The following ANKRD31 variants were observed in gnomAD, a reference collection of about 807,000 sequenced individuals.
The protein encoded by ANKRD31 is ankyrin repeat domain 31, also known as ankyrin repeat domain-containing protein 31.
Under a neutral mutation model 186.0 loss-of-function variants are expected in ANKRD31, and 147 were observed. The observed-to-expected ratio is 0.79, with a 90% CI of 0.69 to 0.91. ANKRD31 has a LOEUF of 0.91. Ranked by LOEUF, ANKRD31 falls within the 40% of genes least tolerant of loss-of-function variation. The pLI, the probability that ANKRD31 is intolerant of heterozygous loss-of-function variation, is 0.00. For missense variants in ANKRD31, 1,986 were observed against 2,148.8 expected (o/e 0.92, Z 1.50); for synonymous variants, 673 against 736.4 (o/e 0.91, Z 1.39).
chr5:75,218,776 T>C (rs1757117808), intron 3 of ANKRD31, among the ~76,000 whole-genome samples: 1 of 152,200 alleles, frequency 6.6e-6, no homozygotes, highest in Admixed American at 6.5e-5. Flanking sequence ...GCCTTATCTC[T>C]GGAATGCTTC....
At chr5:75,172,516 G>A (rs1301511938) in intron 10 of ANKRD31, among the ~76,000 whole-genome samples, 3 of 152,034 alleles carry the variant, frequency 2.0e-5, no homozygotes, top group Non-Finnish European at 4.4e-5. Context: ...AGAAAAGAGA[G>A]ATGAATCAAA....
chr5:75,155,294 T>C (rs978357967), intron 11 of ANKRD31, among the ~76,000 whole-genome samples: 2 of 152,132 alleles, frequency 1.3e-5, no homozygotes, highest in African/African-American at 2.4e-5. Flanking sequence ...ATAATATGTA[T>C]GTATACATAT....
At chr5:75,173,949 G>A (rs1259979743) in intron 10 of ANKRD31, among the ~76,000 whole-genome samples, 1 of 152,076 alleles carries the variant, frequency 6.6e-6, no homozygotes, top group Non-Finnish European at 1.5e-5. Context: ...AAACAAAGCT[G>A]GAGGCATCAT....
chr5:75,192,916 T>C lies in ANKRD31; in HGVS notation c.1299-140A>G, dbSNP rs113000772. The stretch of plus-strand genomic sequence containing the variant: ...TCTCAAGTGGCGTGGCAGTTTTAAA[T>C]ACGGAGATGGCTCCTGCAGGTAATT... On this transcript the variant is annotated intron_variant, in intron 8 of 25. Coordinates refer to ENST00000506364, the MANE Select transcript of ANKRD31 (RefSeq NM_001372053.1). The C allele has an allele frequency of 1.1e-3, 722 of 666,524 alleles. 4 individuals carry two copies. The highest frequency in any genetic ancestry group is 9.8e-3 in the African/African-American group (528 of 53,710). The allele number at this position is 666,524 out of a possible 1,614,324, so 41.3% of individuals were successfully genotyped here. A position where few individuals can be genotyped will look rare whatever the true frequency, so the allele number is the denominator to read the frequency against.
intron 22 of ANKRD31, among the ~76,000 whole-genome samples, chr5:75,099,311 T>G (rs375801578): frequency 2.0e-5 from 3 of 152,342 alleles, no homozygotes; most frequent in South Asian, 2.1e-4. Flanking sequence ...AGCTTTTTGA[T>G]GTGCTGCTGG....
At chr5:75,072,562 T>C (rs987536218) in intron 25 of ANKRD31, among the ~76,000 whole-genome samples, 1 of 152,170 alleles carries the variant, frequency 6.6e-6, no homozygotes, top group African/African-American at 2.4e-5. Context: ...AACGACTAAA[T>C]CTTTGTGTGT....
Position 75,206,435 on chromosome 5 carries a change from A to G in ANKRD31, c.379T>C (p.Ser127Pro). ...FIGSFRQSGL[S>P]LNHQNIEGPE... ...CCTTCAATATTTTGGTGGTTCAATGAAAGTCCAGACTGGCGAAACGACCCA... is the reference window on the plus strand; with the variant it reads ...CCTTCAATATTTTGGTGGTTCAATGGAAGTCCAGACTGGCGAAACGACCCA... The change falls in exon 5 of 26, where the codon TCA becomes CCA. Residue 127 changes from serine to proline, a missense_variant. By Grantham distance (74) the Ser-to-Pro change is moderately conservative (BLOSUM62 -1). Transcript: ENST00000506364. 1 of 1,485,398 alleles carries G rather than the reference A, an allele frequency of 6.7e-7. No individual in the cohort carries two copies. The highest frequency in any genetic ancestry group is 1.4e-5 in the South Asian group (1 of 73,204). The allele number at this position is 1,485,398 out of a possible 1,614,324, so 92.0% of individuals were successfully genotyped here.
At chr5:75,192,574 A>C (rs1755185125) in intron 9 of ANKRD31, 93 bp downstream of exon 9, 3 of 1,060,466 alleles carry the variant, frequency 2.8e-6, no homozygotes, top group Non-Finnish European at 4.0e-6. Flanking sequence ...CCTCATCAGC[A>C]AAATTAGAAA....
At chr5:75,189,887 T>C (rs980551411) in intron 9 of ANKRD31, among the ~76,000 whole-genome samples, 2 of 152,314 alleles carry the variant, frequency 1.3e-5, no homozygotes, top group Admixed American at 6.5e-5. Flanking sequence ...GTTAATACAA[T>C]GAATTACAGC....
intron 7 of ANKRD31, among the ~76,000 whole-genome samples, chr5:75,194,483 A>G (rs980971969): frequency 2.0e-5 from 3 of 152,126 alleles, no homozygotes; most frequent in Non-Finnish European, 1.5e-5. Flanking sequence ...GTTAAACAGA[A>G]CTTCATGCAG....
At chr5:75,104,065 T>C (rs1186643044) in intron 22 of ANKRD31, among the ~76,000 whole-genome samples, 163 bp downstream of exon 22, 2 of 152,194 alleles carry the variant, frequency 1.3e-5, no homozygotes, top group Non-Finnish European at 2.9e-5. Flanking sequence ...TCCAGAAATA[T>C]GAATTCACTT....
chr5:75,145,353 G>T (rs1244032573), intron 14 of ANKRD31, among the ~76,000 whole-genome samples: 7 of 151,988 alleles, frequency 4.6e-5, no homozygotes, highest in Admixed American at 2.6e-4. Flanking sequence ...GCCCATCAAT[G>T]ATAGACTGGA....
intron 10 of ANKRD31, among the ~76,000 whole-genome samples, chr5:75,179,352 G>A (rs1231302765): frequency 3.3e-5 from 5 of 152,120 alleles, no homozygotes; most frequent in African/African-American, 1.2e-4. Flanking sequence ...CCAATCAATA[G>A]AAAAAGAGGG....
At chr5:75,120,788 G>C (rs980990475) in intron 17 of ANKRD31, among the ~76,000 whole-genome samples, 3 of 152,254 alleles carry the variant, frequency 2.0e-5, no homozygotes, top group Admixed American at 2.0e-4. Context: ...GAATGTAAGT[G>C]AATTAAATGC....
chr5:75,229,331 C>A (rs1420036456), intron 2 of ANKRD31, among the ~76,000 whole-genome samples: 1 of 152,050 alleles, frequency 6.6e-6, no homozygotes, highest in Non-Finnish European at 1.5e-5. Flanking sequence ...TTTACTTTTA[C>A]AAATAGACGG....
chr5:75,168,183 A>G (rs1283849743), intron 11 of ANKRD31, among the ~76,000 whole-genome samples: 1 of 152,200 alleles, frequency 6.6e-6, no homozygotes, highest in Non-Finnish European at 1.5e-5. Flanking sequence ...GTCTATTCCC[A>G]TGGCTCCCAG....
At chr5:75,125,548 G>A (rs1006259468) in intron 17 of ANKRD31, among the ~76,000 whole-genome samples, 5 of 152,130 alleles carry the variant, frequency 3.3e-5, no homozygotes, top group South Asian at 4.1e-4. Context: ...TTTCAGAAAA[G>A]TAAACTTCTA....
intron 15 of ANKRD31, among the ~76,000 whole-genome samples, chr5:75,139,783 G>A (rs77457181): frequency 0.015 from 2,224 of 152,264 alleles, 24 homozygotes; most frequent in Non-Finnish European, 0.022. Context: ...CACACTTGGG[G>A]AAATGAGGCA....
At chr5:75,086,641 A>G (rs960430440) in intron 23 of ANKRD31, among the ~76,000 whole-genome samples, 81 of 152,182 alleles carry the variant, frequency 5.3e-4, no homozygotes, top group African/African-American at 1.9e-3. Flanking sequence ...GCCAGATGAG[A>G]ACATGTAAGA....
Sources: gnomAD v4.1 joint callset for allele counts (sites outside exome capture counted in the v4.1 genomes callset) on GRCh38, gnomAD v4.1.1 for gene constraint, MANE v1.5 for transcripts, NCBI Gene and HGNC (gene_info 2026-07-23, HGNC 2026-07-21) for gene names.